IGF1R: variants seen among roughly 807,000 people sequenced by gnomAD.
IGF1R encodes insulin-like growth factor 1 receptor.
A neutral mutation model predicts 144.6 loss-of-function variants in IGF1R; 44 were observed. The ratio of observed to expected loss-of-function variants is 0.30; its 90% CI spans 0.24 to 0.39. IGF1R has a LOEUF of 0.39. IGF1R is among the 10% of genes least tolerant of loss of function. The probability of loss-of-function intolerance (pLI) is 1.00; values close to 1 mark genes in which losing one functional copy is unlikely to be tolerated. For synonymous variants in IGF1R, 795 were observed against 722.8 expected (o/e 1.10, Z -1.60); for missense variants, 1,355 against 1,833.7 (o/e 0.74, Z 4.77).
chr15:98,814,340 TTGGATGGATGGA>T (rs201082565), intron 2 of IGF1R, among the ~76,000 whole-genome samples: 1 of 151,950 alleles, frequency 6.6e-6, no homozygotes, highest in Non-Finnish European at 1.5e-5. Context: ...CTTATATGAT[TTGGATGGATGGA>T]TGGATGGATG....
Position 98,930,748 on chromosome 15 carries a change from A to G in IGF1R, c.2956+443A>G, listed in dbSNP as rs1215479470. Among the ~76,000 whole-genome samples, 4 of 150,236 alleles carry G rather than the reference A, an allele frequency of 2.7e-5. No individual in the cohort carries two copies. The South Asian group carries it at 6.3e-4, about 24-fold the overall frequency. On this transcript the variant is annotated intron_variant, in intron 15 of 20. Transcript: ENST00000650285. ...GAATTACAGCTCTGCTTTTTTTTTTATCATGGAATTTTTCTGTCATTCCCT... is the reference window on the plus strand; with the variant it reads ...GAATTACAGCTCTGCTTTTTTTTTTGTCATGGAATTTTTCTGTCATTCCCT...
intron 2 of IGF1R, among the ~76,000 whole-genome samples, chr15:98,781,799 T>C (rs181678508): frequency 9.5e-4 from 144 of 152,330 alleles, no homozygotes; most frequent in African/African-American, 3.4e-3. Flanking sequence ...TTGAGTCTAT[T>C]TCCTGTCTTT....
At chr15:98,881,610 ACTGTGCCTGGC>A (rs1297077586) in intron 2 of IGF1R, among the ~76,000 whole-genome samples, 2 of 152,184 alleles carry the variant, frequency 1.3e-5, no homozygotes, top group Non-Finnish European at 2.9e-5. Context: ...GGCGTGAGCC[ACTGTGCCTGGC>A]CGGCCCTTCC....
chr15:98,941,907 G>A (rs866540778), intron 18 of IGF1R, among the ~76,000 whole-genome samples: 1 of 152,176 alleles, frequency 6.6e-6, no homozygotes, highest in African/African-American at 2.4e-5. Context: ...ATGATTGAGT[G>A]CAAAATCAAA....
chr15:98,831,529 CT>C (rs1206035892), intron 2 of IGF1R, among the ~76,000 whole-genome samples: 5 of 152,194 alleles, frequency 3.3e-5, no homozygotes, highest in African/African-American at 1.2e-4. Context: ...TGATCCCTTC[CT>C]TCCCCATGAT....
chr15:98,848,337 C>G (rs2011414154), intron 2 of IGF1R, among the ~76,000 whole-genome samples: 1 of 152,188 alleles, frequency 6.6e-6, no homozygotes, highest in Non-Finnish European at 1.5e-5. Flanking sequence ...CAGACCATCA[C>G]CCACAGTTTA....
Position 98,963,608 on chromosome 15 carries a change from G to A in IGF1R, c.*6166G>A, listed in dbSNP as rs111990961. 9.1e-3 allele frequency: 2,122 copies of A among 233,256 alleles called. 51 individuals are homozygous for A. The highest frequency in any genetic ancestry group is 0.043 in the African/African-American group (1,961 of 45,460). The allele number at this position is 233,256 out of a possible 1,614,324, so 14.4% of individuals were successfully genotyped here. A position where few individuals can be genotyped will look rare whatever the true frequency, so the allele number is the denominator to read the frequency against. ...GCCATGGACATGGGAAGACTTGACT[G>A]CACAGCCAATGGTTTTCATGATGAT... is the stretch of plus-strand genomic sequence containing the variant. On this transcript the variant is annotated 3_prime_UTR_variant, in exon 21 of 21. Transcript: ENST00000650285.
intron 2 of IGF1R, among the ~76,000 whole-genome samples, chr15:98,712,518 C>A (rs917712069): frequency 6.6e-6 from 1 of 152,090 alleles, no homozygotes; most frequent in Non-Finnish European, 1.5e-5. Context: ...CAGCTGTGTT[C>A]CTCTGCTCCT....
At chr15:98,834,768 G>T (rs1291900703) in intron 2 of IGF1R, among the ~76,000 whole-genome samples, 1 of 152,204 alleles carries the variant, frequency 6.6e-6, no homozygotes, top group East Asian at 1.9e-4. Context: ...GGACATGGAA[G>T]GGTTTTCATT....
At chr15:98,911,134 A>G (rs2715415) in intron 6 of IGF1R, among the ~76,000 whole-genome samples, 181 bp from the exon 7 acceptor site, 103,128 of 152,014 alleles carry the variant, frequency 0.68, 36,626 homozygotes, top group Non-Finnish European at 0.8. Flanking sequence ...GAGCCCTTGG[A>G]GCTCTGCATA....
chr15:98,952,291 C>G (rs1231929690), intron 20 of IGF1R, among the ~76,000 whole-genome samples: 1 of 135,282 alleles, frequency 7.4e-6, no homozygotes, highest in Non-Finnish European at 1.6e-5. Flanking sequence ...GGCTACCCCC[C>G]AGTACCCCAC....
chr15:98,924,056 A>AT, intron 12 of IGF1R, 44 bp downstream of exon 12: 2 of 1,582,722 alleles, frequency 1.3e-6, no homozygotes, highest in Non-Finnish European at 1.7e-6. Flanking sequence ...ACTTCCATCC[A>AT]TTGACAGCAT....
chr15:98,916,043 G>T lies in IGF1R; in HGVS notation c.1908G>T (p.Leu636=). Residue 636 remains leucine, a synonymous_variant, in exon 9 of 21, where the codon CTG becomes CTT. Transcript: ENST00000650285. ...TCGTGAAGTGGAACCCTCCCTCTCTGCCCAACGGCAACCTGAGTTACTACA... is the reference window on the plus strand; with the variant it reads ...TCGTGAAGTGGAACCCTCCCTCTCTTCCCAACGGCAACCTGAGTTACTACA... ...QLIVKWNPPS[L]PNGNLSYYIV... is the part of the protein sequence containing the mutation. 6.2e-7 allele frequency: 1 copy of T among 1,614,064 alleles called. No individual in the cohort carries two copies. Among genetic ancestry groups the T allele is most frequent in the African/African-American group, 1.3e-5 (1 of 74,998 alleles).
chr15:98,855,886 G>A (rs561473914), intron 2 of IGF1R, among the ~76,000 whole-genome samples: 1 of 152,344 alleles, frequency 6.6e-6, no homozygotes, highest in Non-Finnish European at 1.5e-5. Context: ...AAGAATAATG[G>A]AAGTGCTGCC....
rs74032533 is a variant in IGF1R at position 98,702,258 on chromosome 15, A to T, written c.95-5304A>T. ...ATTCACCTAAGTTGTTAGAGCAGAC[A>T]TTCTGCCTCTTGATCTTTAGAAAAT... On this transcript the variant is annotated intron_variant, in intron 1 of 20. Transcript: ENST00000650285. Among the ~76,000 whole-genome samples the T allele has an allele frequency of 6.4e-3, 969 of 152,220 alleles. 10 individuals are homozygous for T. The highest frequency in any genetic ancestry group is 0.022 in the African/African-American group (925 of 41,522).
intron 2 of IGF1R, among the ~76,000 whole-genome samples, chr15:98,866,853 C>T (rs995465114): frequency 1.3e-5 from 2 of 152,120 alleles, no homozygotes; most frequent in African/African-American, 4.8e-5. Context: ...AATGTGTGAT[C>T]CTTTTTAGAA....
chr15:98,937,590 C>T (rs1295419011), intron 17 of IGF1R, among the ~76,000 whole-genome samples: 1 of 152,206 alleles, frequency 6.6e-6, no homozygotes, highest in African/African-American at 2.4e-5. Context: ...ATTCAACCTG[C>T]TCCCCCGACC....
chr15:98,811,105 A>G (rs1009048502), intron 2 of IGF1R, among the ~76,000 whole-genome samples: 2 of 151,832 alleles, frequency 1.3e-5, no homozygotes, highest in South Asian at 2.1e-4. Context: ...GTTCGAAACC[A>G]GCCTGACCAA....
intron 2 of IGF1R, among the ~76,000 whole-genome samples, chr15:98,837,209 A>C (rs955398529): frequency 2.0e-5 from 3 of 152,028 alleles, no homozygotes; most frequent in African/African-American, 4.8e-5. Context: ...GCTAGTGTGC[A>C]CCATCACTAA....
Sources: gnomAD v4.1 joint callset for allele counts (sites outside exome capture counted in the v4.1 genomes callset) on GRCh38, gnomAD v4.1.1 for gene constraint, MANE v1.5 for transcripts, NCBI Gene and HGNC (gene_info 2026-07-23, HGNC 2026-07-21) for gene names.